Variants in LRMDA observed in about 807,000 individuals in gnomAD.
LRMDA encodes the protein leucine rich melanocyte differentiation associated.
In LRMDA, 18 loss-of-function variants were observed where a neutral mutation model predicts 29.8. That is an observed-to-expected ratio of 0.60 (90% CI 0.42 to 0.90). LRMDA has a LOEUF of 0.90. Among genes scored for constraint, LRMDA ranks in the 40% least tolerant of loss-of-function variants. The probability of loss-of-function intolerance (pLI) is 0.00; values close to 1 mark genes in which losing one functional copy is unlikely to be tolerated. For synonymous variants in LRMDA, 125 were observed against 109.4 expected, an observed-to-expected ratio of 1.14 and a Z score of -0.89; for missense variants, 273 against 273.9, an observed-to-expected ratio of 1.00 and a Z score of 0.02.
At chr10:76,480,784 A>C (rs1842726043) in intron 6 of LRMDA, among the ~76,000 whole-genome samples, 1 of 151,982 alleles carries the variant, frequency 6.6e-6, no homozygotes, top group Non-Finnish European at 1.5e-5. Flanking sequence ...TTAACTCAAC[A>C]TAGAGGTGTC....
chr10:75,873,363 T>C (rs1845144461), intron 2 of LRMDA, among the ~76,000 whole-genome samples: 1 of 152,248 alleles, frequency 6.6e-6, no homozygotes, highest in Non-Finnish European at 1.5e-5. Context: ...TTTAATCTCC[T>C]CTTTTGTTTC....
At chr10:75,946,165 G>A (rs1846472705) in intron 2 of LRMDA, among the ~76,000 whole-genome samples, 1 of 152,136 alleles carries the variant, frequency 6.6e-6, no homozygotes, top group Admixed American at 6.5e-5. Context: ...CTTCCACTTG[G>A]CCCACTTGAT....
At chr10:76,421,810 A>G (rs1366969277) in intron 6 of LRMDA, among the ~76,000 whole-genome samples, 1 of 152,000 alleles carries the variant, frequency 6.6e-6, no homozygotes, top group Non-Finnish European at 1.5e-5. Context: ...GATGGTTTGG[A>G]TCTTTGGGCA....
At chr10:76,078,171 G>A (rs1019963613) in intron 5 of LRMDA, among the ~76,000 whole-genome samples, 2 of 151,170 alleles carry the variant, frequency 1.3e-5, no homozygotes, top group East Asian at 2.0e-4. Context: ...CCACGAGTCC[G>A]GCTAATTTTT....
At chr10:76,359,507 T>C (rs1841283936) in intron 6 of LRMDA, among the ~76,000 whole-genome samples, 1 of 152,166 alleles carries the variant, frequency 6.6e-6, no homozygotes, top group Non-Finnish European at 1.5e-5. Context: ...CTTGAATCTC[T>C]CTCATAACAC....
At chr10:76,174,644 T>C (rs552222833) in intron 5 of LRMDA, among the ~76,000 whole-genome samples, 1 of 152,256 alleles carries the variant, frequency 6.6e-6, no homozygotes, top group Non-Finnish European at 1.5e-5. Flanking sequence ...AGGTCCCTAT[T>C]CATATGGCCT....
At chr10:75,837,736 C>G (rs1047255475) in intron 2 of LRMDA, among the ~76,000 whole-genome samples, 5 of 150,998 alleles carry the variant, frequency 3.3e-5, no homozygotes, top group African/African-American at 1.2e-4. Flanking sequence ...TAGATATTTA[C>G]TATCTACTAT....
chr10:75,432,830 GTCGTT>G (rs1374949062), intron 1 of LRMDA, among the ~76,000 whole-genome samples: 1 of 152,164 alleles, frequency 6.6e-6, no homozygotes. Flanking sequence ...CCAGAGTCCT[GTCGTT>G]TCATCAGGTA....
intron 2 of LRMDA, chr10:75,782,952 G>A (rs751561595): frequency 3.7e-6 from 6 of 1,613,750 alleles, no homozygotes; most frequent in Non-Finnish European, 5.1e-6. Flanking sequence ...GAATTTGAAT[G>A]TCAATATCTT....
At chr10:76,185,627 G>C (rs187469324) in intron 5 of LRMDA, among the ~76,000 whole-genome samples, 2 of 152,150 alleles carry the variant, frequency 1.3e-5, no homozygotes, top group African/African-American at 4.8e-5. Context: ...ATGTTTGTGC[G>C]AGGGATATGT....
intron 5 of LRMDA, among the ~76,000 whole-genome samples, chr10:76,094,162 AG>A (rs1849277895): frequency 6.6e-6 from 1 of 152,178 alleles, no homozygotes; most frequent in South Asian, 2.1e-4. Flanking sequence ...AGGTATGATG[AG>A]GTTGGCTTCT....
intron 6 of LRMDA, among the ~76,000 whole-genome samples, chr10:76,385,184 G>A (rs1487219348): frequency 2.0e-5 from 3 of 152,294 alleles, no homozygotes; most frequent in African/African-American, 7.2e-5. Context: ...GAGGAAATAC[G>A]GAATTGGCTT....
intron 6 of LRMDA, among the ~76,000 whole-genome samples, chr10:76,412,349 G>A (rs1443831733): frequency 6.6e-6 from 1 of 152,162 alleles, no homozygotes; most frequent in African/African-American, 2.4e-5. Flanking sequence ...TCGGAAAGAT[G>A]GTGGACTCTT....
chr10:75,667,259 G>A (rs1589151502), intron 2 of LRMDA, among the ~76,000 whole-genome samples: 1 of 151,554 alleles, frequency 6.6e-6, no homozygotes, highest in Non-Finnish European at 1.5e-5. Flanking sequence ...TATGAACATA[G>A]GTTAAAATGG....
chr10:76,092,769 G>A (rs1849250525), intron 5 of LRMDA, among the ~76,000 whole-genome samples: 1 of 152,254 alleles, frequency 6.6e-6, no homozygotes, highest in Non-Finnish European at 1.5e-5. Context: ...TGCCTAATAT[G>A]TACAATTCCA....
intron 2 of LRMDA, among the ~76,000 whole-genome samples, chr10:75,720,545 G>A (rs1208237352): frequency 6.6e-6 from 1 of 152,190 alleles, no homozygotes; most frequent in Non-Finnish European, 1.5e-5. Context: ...TTTTTAGCGA[G>A]CTTAACAGAG....
intron 5 of LRMDA, among the ~76,000 whole-genome samples, chr10:76,068,609 T>C (rs897509508): frequency 2.6e-5 from 4 of 152,208 alleles, no homozygotes; most frequent in African/African-American, 9.6e-5. Flanking sequence ...TAATGCTCGC[T>C]CACCAGCCGC....
chr10:76,109,006 A>C (rs1849531419), intron 5 of LRMDA, among the ~76,000 whole-genome samples: 1 of 152,188 alleles, frequency 6.6e-6, no homozygotes, highest in Non-Finnish European at 1.5e-5. Context: ...AGATGTGAAA[A>C]TGTGAAAAAC....
At chr10:76,383,621 G>A (rs1421060540) in intron 6 of LRMDA, among the ~76,000 whole-genome samples, 7 of 149,016 alleles carry the variant, frequency 4.7e-5, no homozygotes, top group African/African-American at 1.5e-4. Context: ...TAGTAGAGAC[G>A]GGGTTTCACC....
Sources: allele counts gnomAD v4.1 joint callset (sites outside exome capture counted in the v4.1 genomes callset), GRCh38; gene constraint gnomAD v4.1.1; transcripts MANE v1.5; gene names NCBI Gene and HGNC (gene_info 2026-07-23, HGNC 2026-07-21).